GREB1L: variants seen among roughly 807,000 people sequenced by gnomAD.
GREB1L encodes the protein GREB1 like retinoic acid receptor coactivator, also known as GREB1-like protein.
GREB1L carries 17 observed loss-of-function variants against 200.8 expected under a neutral mutation model. That is an observed-to-expected ratio of 0.08 (90% confidence interval 0.06 to 0.13). GREB1L has a LOEUF of 0.13. Ranked by LOEUF, GREB1L falls within the 10% of genes least tolerant of loss-of-function variation. GREB1L has a pLI of 1.00. For missense variants in GREB1L, 1,657 were observed against 2,367.7 expected (o/e 0.70, Z 6.23); for synonymous variants, 789 against 893.0 (o/e 0.88, Z 2.08).
At chr18:21,444,595 C>G (rs984400156) in intron 11 of GREB1L, among the ~76,000 whole-genome samples, 186 bp downstream of exon 11, 3 of 152,174 alleles carry the variant, frequency 2.0e-5, no homozygotes, top group Non-Finnish European at 4.4e-5. Context: ...CTTTTCTACT[C>G]CTTTCCTTTC....
intron 27 of GREB1L, among the ~76,000 whole-genome samples, chr18:21,510,396 T>C (rs2037192082): frequency 1.3e-5 from 2 of 152,126 alleles, no homozygotes; most frequent in Non-Finnish European, 2.9e-5. Context: ...GCAGCCACCA[T>C]TCTACTTTCT....
intron 11 of GREB1L, among the ~76,000 whole-genome samples, chr18:21,447,698 C>T (rs747798224): frequency 6.6e-6 from 1 of 152,120 alleles, no homozygotes; most frequent in Admixed American, 6.5e-5. Flanking sequence ...TGGAAGAAAG[C>T]GTTAAATAAA....
At chr18:21,335,640 A>G (rs1443871491) in intron 1 of GREB1L, among the ~76,000 whole-genome samples, 1 of 151,760 alleles carries the variant, frequency 6.6e-6, no homozygotes, top group East Asian at 1.9e-4. Flanking sequence ...GATTATAGCT[A>G]TAATGTGTTT....
chr18:21,396,851 CAT>C (rs1473391019), intron 5 of GREB1L, among the ~76,000 whole-genome samples: 2 of 152,148 alleles, frequency 1.3e-5, no homozygotes, highest in Non-Finnish European at 2.9e-5. Flanking sequence ...TAAGAGAGCA[CAT>C]GAGATTTGTT....
chr18:21,514,280 G>A (rs1315965180), intron 28 of GREB1L, among the ~76,000 whole-genome samples: 1 of 152,206 alleles, frequency 6.6e-6, no homozygotes, highest in Non-Finnish European at 1.5e-5. Flanking sequence ...ACTTTGAGAG[G>A]CCAAGGCGGG....
chr18:21,501,001 G>A (rs1267915263), intron 23 of GREB1L, among the ~76,000 whole-genome samples: 12 of 150,952 alleles, frequency 7.9e-5, no homozygotes, highest in Non-Finnish European at 1.2e-4. Flanking sequence ...CCCAGGAGGC[G>A]GGTTGCAGTG....
At chr18:21,272,174 G>T (rs1466173090) in intron 1 of GREB1L, among the ~76,000 whole-genome samples, 2 of 152,174 alleles carry the variant, frequency 1.3e-5, no homozygotes, top group Non-Finnish European at 2.9e-5. Flanking sequence ...GTCTGACACG[G>T]TGAGACACTT....
chr18:21,368,196 A>G (rs1243871910), intron 2 of GREB1L, among the ~76,000 whole-genome samples: 1 of 152,246 alleles, frequency 6.6e-6, no homozygotes, highest in Non-Finnish European at 1.5e-5. Flanking sequence ...TTAAAGGAAC[A>G]TACACATAAA....
chr18:21,359,356 A>G (rs1437246481), intron 1 of GREB1L, among the ~76,000 whole-genome samples: 1 of 152,202 alleles, frequency 6.6e-6, no homozygotes, highest in African/African-American at 2.4e-5. Context: ...AGGCTGAGGC[A>G]GGAGAATCAT....
chr18:21,374,008 T>A (rs559148039), intron 2 of GREB1L, among the ~76,000 whole-genome samples: 2 of 151,580 alleles, frequency 1.3e-5, no homozygotes, highest in African/African-American at 4.8e-5. Context: ...CATTAGTTCT[T>A]TTTTTTTTCT....
intron 15 of GREB1L, among the ~76,000 whole-genome samples, chr18:21,458,709 G>A (rs2034893198): frequency 1.3e-5 from 2 of 152,124 alleles, no homozygotes; most frequent in Non-Finnish European, 2.9e-5. Flanking sequence ...GACAGAATTT[G>A]AAGGTTAAAA....
intron 21 of GREB1L, among the ~76,000 whole-genome samples, chr18:21,498,501 G>A (rs1366484330): frequency 6.6e-6 from 1 of 152,190 alleles, no homozygotes; most frequent in Non-Finnish European, 1.5e-5. Flanking sequence ...ACACCTGGAA[G>A]CTTTTGGATA....
At chr18:21,329,256 T>C (rs1359599355) in intron 1 of GREB1L, among the ~76,000 whole-genome samples, 1 of 139,864 alleles carries the variant, frequency 7.1e-6, no homozygotes. Flanking sequence ...GCCTGGGAGG[T>C]GGAGGTTGCA....
chr18:21,516,621 G>C lies in GREB1L; in HGVS notation c.5138G>C (p.Cys1713Ser). 1 of 1,551,532 alleles carries C rather than the reference G, an allele frequency of 6.4e-7. No individual in the cohort carries two copies. Among genetic ancestry groups the C allele is most frequent in the South Asian group, 1.2e-5 (1 of 84,054 alleles). Residue 1713 changes from cysteine (C) to serine (S), a missense_variant, in exon 30 of 33, where the codon TGT becomes TCT. Physicochemically the swap from Cys to Ser is moderately radical, Grantham distance 112. Transcript: ENST00000424526. ...TTGTGGTTACAATTTAGGTATTTCT[G>C]TGAAGATGCTGACTTTAATCTGAGA... The part of the protein sequence containing the change: ...NVQYDFNRYF[C>S]EDADFNLRTN...
chr18:21,438,975 A>AAAGAAG (rs2033729389), intron 7 of GREB1L, among the ~76,000 whole-genome samples: 1 of 144,974 alleles, frequency 6.9e-6, no homozygotes. Context: ...AAAAAAAAAA[A>AAAGAAG]AAAAGAAAAG....
At chr18:21,450,014 A>G (rs2034441459) in intron 12 of GREB1L, among the ~76,000 whole-genome samples, 178 bp downstream of exon 12, 2 of 152,264 alleles carry the variant, frequency 1.3e-5, no homozygotes, top group South Asian at 4.1e-4. Flanking sequence ...GGTTTTGTGT[A>G]GCCCTCAGTT....
intron 1 of GREB1L, among the ~76,000 whole-genome samples, chr18:21,264,060 A>G (rs1415486156): frequency 1.3e-5 from 2 of 152,226 alleles, no homozygotes; most frequent in African/African-American, 4.8e-5. Context: ...GATAACTTCA[A>G]AATCAAGCAT....
intron 1 of GREB1L, among the ~76,000 whole-genome samples, chr18:21,332,601 A>G (rs1321340834): frequency 6.6e-6 from 1 of 152,118 alleles, no homozygotes; most frequent in Non-Finnish European, 1.5e-5. Context: ...CAGCCTCTCA[A>G]GTAGCTGAGA....
intron 16 of GREB1L, among the ~76,000 whole-genome samples, chr18:21,474,819 G>A (rs2035621014): frequency 1.3e-5 from 2 of 152,132 alleles, no homozygotes; most frequent in African/African-American, 4.8e-5. Flanking sequence ...CCATTGTCTT[G>A]GGGATTAAGA....
Sources: gnomAD v4.1 joint callset for allele counts (sites outside exome capture counted in the v4.1 genomes callset) on GRCh38, gnomAD v4.1.1 for gene constraint, MANE v1.5 for transcripts, NCBI Gene and HGNC (gene_info 2026-07-23, HGNC 2026-07-21) for gene names.